The following CCAR1 variants were observed in gnomAD, a reference collection of about 807,000 sequenced individuals.
The protein encoded by CCAR1 is cell division cycle and apoptosis regulator protein 1.
In CCAR1, 78 loss-of-function variants were observed where a neutral mutation model predicts 163.8. That is an observed-to-expected ratio of 0.48 (90% CI 0.40 to 0.57). The LOEUF is 0.57. CCAR1 is among the 20% of genes least tolerant of loss of function. The pLI is 0.00. For synonymous variants in CCAR1, 443 were observed against 460.7 expected (o/e 0.96, Z 0.49); for missense variants, 1,019 against 1,365.2 (o/e 0.75, Z 4.00).
chr10:68,791,898 C>T lies in CCAR1; in HGVS notation c.*632C>T, dbSNP rs151151401. On this transcript the variant is annotated 3_prime_UTR_variant, in exon 25 of 25. Transcript: ENST00000265872. ...CCAGCCTGGCCAACATGGTGAAACC[C>T]GGTCTCTACTAAAAATATAAAAATT... 0.077 allele frequency: 11,632 copies of T among 151,938 alleles called. 1,246 individuals carry two copies. Among genetic ancestry groups the T allele is most frequent in the African/African-American group, 0.24 (9,982 of 41,372 alleles). 9.4% of individuals were successfully genotyped at this position (151,938 alleles called of 1,614,324 possible).
Position 68,780,156 on chromosome 10 carries a change from A to G in CCAR1, c.2651-5980A>G, listed in dbSNP as rs939334678. 3.9e-5 allele frequency among the ~76,000 whole-genome samples: 6 copies of G among 152,204 alleles called. 1 individual carries two copies. The South Asian group carries it at 6.2e-4, about 16-fold the overall frequency. ...TGGATTATATTGTGAGTATTTTTCA[A>G]TCATCAAAAATAAGTAAATGACTAG... On this transcript the variant is annotated intron_variant, in intron 19 of 24. Coordinates refer to ENST00000265872, the MANE Select transcript of CCAR1 (RefSeq NM_018237.4).
chr10:68,779,638 C>T (rs912144236), intron 19 of CCAR1, among the ~76,000 whole-genome samples: 1 of 152,140 alleles, frequency 6.6e-6, no homozygotes, highest in Non-Finnish European at 1.5e-5. Context: ...AAAGGAGTTA[C>T]ACTTTCATCA....
intron 19 of CCAR1, among the ~76,000 whole-genome samples, chr10:68,778,175 C>T (rs555271922): frequency 1.3e-5 from 2 of 151,972 alleles, no homozygotes; most frequent in African/African-American, 4.8e-5. Flanking sequence ...GAGATTGTGC[C>T]ACTACGTTCC....
intron 16 of CCAR1, among the ~76,000 whole-genome samples, chr10:68,761,632 C>T (rs10762240): frequency 0.66 from 100,292 of 151,160 alleles, 33,885 homozygotes; most frequent in Non-Finnish European, 0.73. Context: ...GATGGAGTTT[C>T]GCTCTTGTTG....
At chr10:68,748,284 C>T (rs1164268673) in intron 8 of CCAR1, among the ~76,000 whole-genome samples, 1 of 151,958 alleles carries the variant, frequency 6.6e-6, no homozygotes, top group Non-Finnish European at 1.5e-5. Context: ...CCTGTAACCT[C>T]AGCTACTCTG....
Position 68,787,146 on chromosome 10 carries a change from C to A in CCAR1, c.2880+454C>A, listed in dbSNP as rs188698856. Among the ~76,000 whole-genome samples the A allele has an allele frequency of 2.4e-3, 362 of 152,260 alleles. 2 individuals carry two copies. The highest frequency in any genetic ancestry group is 7.8e-3 in the African/African-American group (326 of 41,564). On this transcript the variant is annotated intron_variant, in intron 21 of 24. Transcript: ENST00000265872. Reference sequence around the variant, plus strand: ...TGTAAAACACTTCCCTTCTCCCTCTCCCTCTGTTTCTACTCCTTAGGACTA... The same window carrying A: ...TGTAAAACACTTCCCTTCTCCCTCTACCTCTGTTTCTACTCCTTAGGACTA...
At chr10:68,747,680 T>C in intron 8 of CCAR1, 114 bp downstream of exon 8, 7 of 896,732 alleles carry the variant, frequency 7.8e-6, no homozygotes, top group Non-Finnish European at 1.0e-5. Flanking sequence ...AGCCTAAAAA[T>C]CCTGAATAGG....
At chr10:68,784,735 A>G (rs1388272409) in intron 19 of CCAR1, among the ~76,000 whole-genome samples, 1 of 152,008 alleles carries the variant, frequency 6.6e-6, no homozygotes, top group Non-Finnish European at 1.5e-5. Flanking sequence ...TTATTTTTGT[A>G]GAGACCGGGT....
intron 8 of CCAR1, among the ~76,000 whole-genome samples, chr10:68,748,151 G>A (rs949802198): frequency 1.3e-5 from 2 of 152,156 alleles, no homozygotes; most frequent in Admixed American, 6.5e-5. Context: ...GCTGCACCCG[G>A]TCCAGACGTG....
Position 68,791,381 on chromosome 10 carries a change from G to T in CCAR1, c.*115G>T. The T allele has an allele frequency of 3.3e-6, 2 of 598,170 alleles. No homozygotes were observed. Among genetic ancestry groups the T allele is most frequent in the Non-Finnish European group, 2.8e-6 (1 of 359,888 alleles). 37.1% of individuals were successfully genotyped at this position (598,170 alleles called of 1,614,324 possible). On this transcript the variant is annotated 3_prime_UTR_variant, in exon 25 of 25. Coordinates refer to ENST00000265872, the MANE Select transcript of CCAR1 (RefSeq NM_018237.4). ...ATTTTAGTAGTATAAATGTATTTTA[G>T]TTCAAATGATGTATAAAGTTTTATG...
chr10:68,765,597 A>G (rs543958409), intron 16 of CCAR1, among the ~76,000 whole-genome samples: 10 of 152,140 alleles, frequency 6.6e-5, no homozygotes, highest in African/African-American at 2.2e-4. Context: ...TTTTCCGAGA[A>G]TTTTCTAATT....
At chr10:68,731,944 AG>A (rs1423467991) in intron 2 of CCAR1, among the ~76,000 whole-genome samples, 3 of 152,158 alleles carry the variant, frequency 2.0e-5, no homozygotes, top group African/African-American at 7.2e-5. Context: ...AGAAAAGAGA[AG>A]TGTGGGTATT....
At chr10:68,758,300 C>T (rs2056420728) in intron 15 of CCAR1, among the ~76,000 whole-genome samples, 1 of 151,956 alleles carries the variant, frequency 6.6e-6, no homozygotes, top group Non-Finnish European at 1.5e-5. Context: ...AGCGATCTAT[C>T]CACCCCCGCC....
chr10:68,788,121 T>C (rs758754489), intron 22 of CCAR1, 22 bp from the exon 23 acceptor site: 9 of 1,531,862 alleles, frequency 5.9e-6, no homozygotes, highest in Middle Eastern at 1.8e-4. Context: ...CTTACTAAAA[T>C]ATGGTATATT....
At chr10:68,729,140 C>G (rs1217329737) in intron 2 of CCAR1, among the ~76,000 whole-genome samples, 1 of 152,056 alleles carries the variant, frequency 6.6e-6, no homozygotes, top group African/African-American at 2.4e-5. Flanking sequence ...GAAATAACCA[C>G]ATGTATTTGG....
chr10:68,733,969 A>G (rs572207805), intron 2 of CCAR1, among the ~76,000 whole-genome samples: 1 of 152,120 alleles, frequency 6.6e-6, no homozygotes, highest in Admixed American at 6.6e-5. Context: ...GAGGTTTTTT[A>G]AAAAACATTT....
chr10:68,731,117 G>A (rs2056032299), intron 2 of CCAR1, among the ~76,000 whole-genome samples: 1 of 152,158 alleles, frequency 6.6e-6, no homozygotes, highest in Admixed American at 6.6e-5. Context: ...CAATCATATT[G>A]AATGAGGTAA....
intron 2 of CCAR1, among the ~76,000 whole-genome samples, chr10:68,727,074 G>GTTT (rs1417202441): frequency 8.2e-6 from 1 of 121,544 alleles, no homozygotes; most frequent in Non-Finnish European, 1.7e-5. Flanking sequence ...TTTTTTTTTT[G>GTTT]TTTTTTTTTT....
chr10:68,788,386 GTT>G, intron 23 of CCAR1, 58 bp downstream of exon 23: 1 of 1,227,662 alleles, frequency 8.1e-7, no homozygotes, highest in Non-Finnish European at 1.1e-6. Flanking sequence ...ACACGTATAT[GTT>G]TATGTGTGTA....
Sources: gnomAD v4.1 joint callset for allele counts (sites outside exome capture counted in the v4.1 genomes callset) on GRCh38, gnomAD v4.1.1 for gene constraint, MANE v1.5 for transcripts, NCBI Gene and HGNC (gene_info 2026-07-23, HGNC 2026-07-21) for gene names.